Variants in VWA3B observed in about 807,000 individuals in gnomAD.
VWA3B encodes von Willebrand factor A domain-containing protein 3B.
VWA3B carries 138 observed loss-of-function variants against 158.3 expected under a neutral mutation model. The ratio of observed to expected loss-of-function variants is 0.87; its 90% CI spans 0.76 to 1.00. The LOEUF (loss-of-function observed/expected upper bound fraction) is 1.00, where lower values mean the gene tolerates loss of function less well. Ranked by LOEUF, VWA3B falls within the 50% of genes least tolerant of loss-of-function variation. VWA3B has a pLI of 0.00. For missense variants in VWA3B, 1,555 were observed against 1,565.1 expected (o/e 0.99, Z 0.11); for synonymous variants, 596 against 587.3 (o/e 1.01, Z -0.21).
In VWA3B at chr2:98,238,884, G is replaced by A. The variant is rs187287435; in HGVS notation, c.2673+2154G>A. On this transcript the variant is annotated intron_variant, in intron 19 of 27. Transcript: ENST00000477737. ...ATGAGAAAATGACAAATACTGGAGTGGAAATTTTAGGGAAAAAAAGGAAAA... is the reference window on the plus strand; with the variant it reads ...ATGAGAAAATGACAAATACTGGAGTAGAAATTTTAGGGAAAAAAAGGAAAA... 4.2e-3 allele frequency among the ~76,000 whole-genome samples: 631 copies of A among 151,894 alleles called. 1 individual carries two copies. Among genetic ancestry groups the A allele is most frequent in the Non-Finnish European group, 7.4e-3 (501 of 67,940 alleles).
chr2:98,290,499 T>G lies in VWA3B; in HGVS notation c.3046-12T>G. On this transcript the variant is annotated splice_polypyrimidine_tract_variant and intron_variant, in intron 22 of 27. Transcript: ENST00000477737. ...TTTTTCTCATCAATTATTTCTGCTTTGTCTTTTTCAGCAACAGAAATTGCA... is the reference window on the plus strand; with the variant it reads ...TTTTTCTCATCAATTATTTCTGCTTGGTCTTTTTCAGCAACAGAAATTGCA... 2 of 1,555,310 alleles carry G rather than the reference T, an allele frequency of 1.3e-6. No individual in the cohort carries two copies. The highest frequency in any genetic ancestry group is 8.7e-7 in the Non-Finnish European group (1 of 1,152,868).
downstream of VWA3B, among the ~76,000 whole-genome samples, chr2:98,316,487 A>C (rs929187048): frequency 6.6e-6 from 1 of 152,064 alleles, no homozygotes; most frequent in African/African-American, 2.4e-5. Flanking sequence ...TGCCAAAAAT[A>C]CAAAAAAATT....
chr2:98,192,796 AGC>A (rs778652844), intron 10 of VWA3B, 100 bp from the exon 11 acceptor site: 12 of 1,504,450 alleles, frequency 8.0e-6, no homozygotes, highest in Non-Finnish European at 9.2e-6. Flanking sequence ...TAAACAACAT[AGC>A]GCAGCTCTGT....
At chr2:98,160,038 C>T in intron 7 of VWA3B, among the ~76,000 whole-genome samples, 1 of 150,302 alleles carries the variant, frequency 6.7e-6, no homozygotes, top group Non-Finnish European at 1.5e-5. Context: ...CATAAAGATA[C>T]ATACAGCTTC....
At chr2:98,289,994 TA>T (rs1453734208) in intron 22 of VWA3B, among the ~76,000 whole-genome samples, 1 of 152,242 alleles carries the variant, frequency 6.6e-6, no homozygotes, top group Non-Finnish European at 1.5e-5. Context: ...GAGTGTATAG[TA>T]CAGGGATATT....
At chr2:98,149,114 A>C (rs1166900217) in intron 7 of VWA3B, among the ~76,000 whole-genome samples, 1 of 152,126 alleles carries the variant, frequency 6.6e-6, no homozygotes, top group East Asian at 1.9e-4. Context: ...TGGTTTATTG[A>C]CATAATTTGG....
chr2:98,123,408 C>T (rs1349340573), intron 5 of VWA3B, among the ~76,000 whole-genome samples: 5 of 152,200 alleles, frequency 3.3e-5, no homozygotes, highest in Admixed American at 6.5e-5. Flanking sequence ...GGCTGAACCA[C>T]GTGCTTGGTC....
chr2:98,108,994 C>CTTTTTTTTTT (rs56760057), intron 2 of VWA3B, among the ~76,000 whole-genome samples: 3 of 132,586 alleles, frequency 2.3e-5, no homozygotes, highest in Non-Finnish European at 3.2e-5. Flanking sequence ...CTTTTCTTTT[C>CTTTTTTTTTT]TTTTTTTTTT....
chr2:98,190,379 A>G (rs1403898890), intron 10 of VWA3B, among the ~76,000 whole-genome samples: 1 of 152,168 alleles, frequency 6.6e-6, no homozygotes, highest in Non-Finnish European at 1.5e-5. Context: ...TACATTCTAA[A>G]CAGTCAATTG....
intron 16 of VWA3B, among the ~76,000 whole-genome samples, chr2:98,234,231 C>A (rs1368514451): frequency 6.6e-6 from 1 of 152,174 alleles, no homozygotes; most frequent in African/African-American, 2.4e-5. Flanking sequence ...CAGCTGGTGG[C>A]AGAAGAGAAA....
intron 19 of VWA3B, among the ~76,000 whole-genome samples, chr2:98,238,063 T>C (rs1685820576): frequency 6.6e-6 from 1 of 152,234 alleles, no homozygotes; most frequent in Non-Finnish European, 1.5e-5. Flanking sequence ...AAAGACCTTT[T>C]CTAACTGGCC....
chr2:98,231,749 T>C (rs1266750804), intron 16 of VWA3B, among the ~76,000 whole-genome samples: 2 of 152,236 alleles, frequency 1.3e-5, no homozygotes, highest in African/African-American at 4.8e-5. Flanking sequence ...TGTCAACTGA[T>C]ATAGGCTTTT....
intron 7 of VWA3B, among the ~76,000 whole-genome samples, chr2:98,135,971 C>T (rs946775290): frequency 6.6e-6 from 1 of 152,100 alleles, no homozygotes; most frequent in African/African-American, 2.4e-5. Flanking sequence ...TCAGGCCACC[C>T]TCTCGTTTGG....
chr2:98,244,796 G>A (rs1686288629), intron 19 of VWA3B, among the ~76,000 whole-genome samples: 1 of 152,178 alleles, frequency 6.6e-6, no homozygotes, highest in Non-Finnish European at 1.5e-5. Flanking sequence ...AGAGTAGTCA[G>A]TGCCTGGCAG....
At chr2:98,254,790 T>C (rs141488269) in intron 20 of VWA3B, among the ~76,000 whole-genome samples, 56 of 152,024 alleles carry the variant, frequency 3.7e-4, no homozygotes, top group African/African-American at 1.3e-3. Context: ...GGCCCTGGAG[T>C]TGTGGCTCCG....
At chr2:98,280,177 TTC>T (rs1267164541) in intron 22 of VWA3B, among the ~76,000 whole-genome samples, 1 of 152,230 alleles carries the variant, frequency 6.6e-6, no homozygotes, top group Admixed American at 6.5e-5. Context: ...CTTCAAATTT[TTC>T]TCTCTTTGTT....
chr2:98,192,475 G>C (rs953665668), intron 10 of VWA3B: 3 of 191,124 alleles, frequency 1.6e-5, no homozygotes, highest in African/African-American at 7.2e-5. Flanking sequence ...GCCAGGAGAA[G>C]AAATTTCACA....
Position 98,312,419 on chromosome 2 carries a change from C to T in VWA3B, c.*70C>T. The T allele has an allele frequency of 6.5e-7, 1 of 1,526,982 alleles. No homozygotes were observed. The highest frequency in any genetic ancestry group is 1.4e-5 in the African/African-American group (1 of 72,772). The allele number at this position is 1,526,982 out of a possible 1,614,324, so 94.6% of individuals were successfully genotyped here. On this transcript the variant is annotated 3_prime_UTR_variant, in exon 28 of 28. Coordinates refer to ENST00000477737, the MANE Select transcript of VWA3B (RefSeq NM_144992.5). ...GGCTGTTCAGACCTCAGCGTTGACA[C>T]TGAAACTGGCCCCTCCGCGGAGGTA... is the stretch of plus-strand genomic sequence containing the variant.
intron 22 of VWA3B, among the ~76,000 whole-genome samples, chr2:98,271,851 G>A (rs1688219322): frequency 6.6e-6 from 1 of 152,224 alleles, no homozygotes; most frequent in Non-Finnish European, 1.5e-5. Context: ...GGTGTGTGTG[G>A]ACGGTGCTTT....
Sources: gnomAD v4.1 joint callset for allele counts (sites outside exome capture counted in the v4.1 genomes callset) on GRCh38, gnomAD v4.1.1 for gene constraint, MANE v1.5 for transcripts, NCBI Gene and HGNC (gene_info 2026-07-23, HGNC 2026-07-21) for gene names.